Variants in POLR1A observed in about 807,000 individuals in gnomAD.
The protein encoded by POLR1A is DNA-directed RNA polymerase I subunit RPA1.
POLR1A carries 84 observed loss-of-function variants against 205.3 expected under a neutral mutation model. The observed-to-expected ratio is 0.41, with a 90% CI of 0.34 to 0.49. The LOEUF (loss-of-function observed/expected upper bound fraction) is 0.49, where lower values mean the gene tolerates loss of function less well. Among genes scored for constraint, POLR1A ranks in the 20% least tolerant of loss-of-function variants. POLR1A has a pLI of 0.22. For synonymous variants in POLR1A, 799 were observed against 863.7 expected, an observed-to-expected ratio of 0.93 and a Z score of 1.31; for missense variants, 1,645 against 2,204.5, an observed-to-expected ratio of 0.75 and a Z score of 5.08.
intron 3 of POLR1A, among the ~76,000 whole-genome samples, chr2:86,097,664 C>T (rs1476842842): frequency 1.3e-5 from 2 of 152,100 alleles, no homozygotes; most frequent in Non-Finnish European, 2.9e-5. Context: ...CAAGTTCCTA[C>T]TCATATGTGG....
intron 29 of POLR1A, 108 bp from the exon 30 acceptor site, chr2:86,031,743 T>C (rs1672399300): frequency 2.8e-6 from 4 of 1,408,140 alleles, no homozygotes; most frequent in African/African-American, 2.8e-5. Flanking sequence ...CTGGGCTACC[T>C]AGGCCCCACC....
chr2:86,096,344 C>T (rs542824657), intron 3 of POLR1A, among the ~76,000 whole-genome samples: 1 of 152,140 alleles, frequency 6.6e-6, no homozygotes, highest in East Asian at 1.9e-4. Flanking sequence ...AAAATTACTA[C>T]ACTACCCAAA....
At chr2:86,072,833 C>G (rs1471414884) in intron 12 of POLR1A, among the ~76,000 whole-genome samples, 1 of 152,232 alleles carries the variant, frequency 6.6e-6, no homozygotes, top group Non-Finnish European at 1.5e-5. Context: ...CCTCCCCGGA[C>G]GAGACCTCAG....
At chr2:86,052,219 A>G (rs1573812185) in intron 16 of POLR1A, among the ~76,000 whole-genome samples, 1 of 152,330 alleles carries the variant, frequency 6.6e-6, no homozygotes, top group East Asian at 1.9e-4. Flanking sequence ...TGCTGGGATT[A>G]CAGGTGTGAT....
intron 14 of POLR1A, among the ~76,000 whole-genome samples, chr2:86,061,094 A>G (rs1295178928): frequency 3.3e-5 from 5 of 152,200 alleles, no homozygotes; most frequent in Non-Finnish European, 7.3e-5. Flanking sequence ...TAAAACAGTA[A>G]GATACCACTA....
intron 1 of POLR1A, among the ~76,000 whole-genome samples, chr2:86,105,055 T>C (rs1673898029): frequency 6.6e-6 from 1 of 152,134 alleles, no homozygotes; most frequent in Non-Finnish European, 1.5e-5. Context: ...GCTTGGTGCC[T>C]GGAAAAAACT....
intron 6 of POLR1A, among the ~76,000 whole-genome samples, chr2:86,084,725 G>A (rs192657028): frequency 2.2e-4 from 32 of 148,808 alleles, no homozygotes; most frequent in African/African-American, 5.5e-4. Context: ...GGAGTGCAGC[G>A]GCACGATCTC....
At chr2:86,077,293 G>A (rs1222708226) in intron 11 of POLR1A, among the ~76,000 whole-genome samples, 3 of 152,170 alleles carry the variant, frequency 2.0e-5, no homozygotes, top group African/African-American at 7.2e-5. Flanking sequence ...TCCCGGAGGG[G>A]GTCGGGGGGA....
At chr2:86,084,267 GA>G (rs374993625) in intron 6 of POLR1A, among the ~76,000 whole-genome samples, 1 of 151,796 alleles carries the variant, frequency 6.6e-6, no homozygotes, top group Non-Finnish European at 1.5e-5. Context: ...CTCCGTCTCA[GA>G]AAAAAAGAAA....
rs1469048437 is a variant in POLR1A at position 86,021,293 on chromosome 2, G to A, written c.*6130C>T. 1 of 152,090 alleles carries A rather than the reference G, an allele frequency of 6.6e-6. No homozygotes were observed. The allele number at this position is 152,090 out of a possible 1,614,324, so 9.4% of individuals were successfully genotyped here. ...ATCTGGCAGGGCCTCCAGGCCTTCT[G>A]AGTAAGGAAGACCCCAGCTTGCAAA... On this transcript the variant is annotated 3_prime_UTR_variant, in exon 34 of 34. Coordinates refer to ENST00000263857, the MANE Select transcript of POLR1A (RefSeq NM_015425.6).
intron 1 of POLR1A, among the ~76,000 whole-genome samples, chr2:86,101,919 A>G (rs553673579): frequency 6.6e-6 from 1 of 152,360 alleles, no homozygotes; most frequent in Non-Finnish European, 1.5e-5. Flanking sequence ...TATTTCACTT[A>G]GCACCGTGCC....
At chr2:86,050,026 T>C (rs1672774208) in intron 16 of POLR1A, among the ~76,000 whole-genome samples, 1 of 152,098 alleles carries the variant, frequency 6.6e-6, no homozygotes, top group African/African-American at 2.4e-5. Context: ...CAAGTGATTC[T>C]CCTGCCTCAG....
At chr2:86,068,407 G>A (rs775413351) in intron 13 of POLR1A, among the ~76,000 whole-genome samples, 44 of 139,756 alleles carry the variant, frequency 3.1e-4, no homozygotes, top group Non-Finnish European at 5.1e-4. Flanking sequence ...GGCGGGTGTC[G>A]TCCAAAGCTG....
At chr2:86,064,116 C>T (rs1673046715) in intron 14 of POLR1A, among the ~76,000 whole-genome samples, 1 of 152,180 alleles carries the variant, frequency 6.6e-6, no homozygotes, top group Admixed American at 6.5e-5. Context: ...GGTTTTGCTT[C>T]TGTCACGGGT....
intron 20 of POLR1A, 37 bp downstream of exon 20, chr2:86,045,580 G>A (rs1448701668): frequency 6.8e-6 from 11 of 1,609,544 alleles, no homozygotes; most frequent in Non-Finnish European, 9.4e-6. Flanking sequence ...GCCTAGAAAT[G>A]AGGGAAAAAG....
chr2:86,041,031 G>A (rs993211678), intron 24 of POLR1A, among the ~76,000 whole-genome samples: 1 of 152,178 alleles, frequency 6.6e-6, no homozygotes, highest in Non-Finnish European at 1.5e-5. Flanking sequence ...TTTAGTTAGT[G>A]CAAATGGCTG....
In POLR1A at chr2:86,065,398, C is replaced by A. The variant is rs761864732; in HGVS notation, c.1934G>T (p.Gly645Val). Reference sequence around the variant, plus strand: ...ATAGTGCTCCCGGGTGAAAAAGCAACCCCGAGTAGTCATGCTTGCCCCTGA... The same window carrying A: ...ATAGTGCTCCCGGGTGAAAAAGCAAACCCGAGTAGTCATGCTTGCCCCTGA... ...MVSGASMTTRGCFFTREHYME... is the reference protein window; with the variant it reads ...MVSGASMTTRVCFFTREHYME... The change falls in exon 14 of 34, where the codon GGT (glycine) becomes GTT (valine). Residue 645 changes from glycine (G) to valine (V), a missense_variant. Around this residue, in one of 16 missense-constraint regions of POLR1A, gnomAD observed 339 missense variants for 415.1 expected, o/e 0.82. Transcript: ENST00000263857. 1.9e-6 allele frequency: 3 copies of A among 1,614,052 alleles called. No homozygotes were observed. The highest frequency in any genetic ancestry group is 2.5e-6 in the Non-Finnish European group (3 of 1,180,018).
Position 86,044,184 on chromosome 2 carries a change from C to A in POLR1A, c.3090G>T (p.Gln1030His). 1 of 1,614,196 alleles carries A rather than the reference C, an allele frequency of 6.2e-7. No individual in the cohort carries two copies. The highest frequency in any genetic ancestry group is 1.3e-5 in the African/African-American group (1 of 75,054). ...GEDGLDIPKT[Q>H]FLQPKQFPFL... The stretch of plus-strand genomic sequence containing the variant: ...AGGGGAACTGCTTGGGCTGCAGGAA[C>A]TGTGTCTTGGGGATGTCCAGGCCAT... Residue 1030 changes from glutamine (Q) to histidine (H), a missense_variant, in exon 22 of 34, where the codon CAG (glutamine) becomes CAT (histidine). Physicochemically the swap from Gln to His is conservative, Grantham distance 24 (BLOSUM62 0). Around this residue, in one of 16 missense-constraint regions of POLR1A, gnomAD observed 201 missense variants for 222.3 expected, o/e 0.90. Transcript: ENST00000263857.
rs367793944 is a variant in POLR1A at position 86,065,271 on chromosome 2, T to C, written c.2058+3A>G. 1.8e-5 allele frequency: 29 copies of C among 1,611,978 alleles called. No individual in the cohort carries two copies. The highest frequency in any genetic ancestry group is 1.1e-4 in the East Asian group (5 of 44,864). ...CATACACTGGCTGTTCTCTCCCAAT[T>C]ACCTGTTTTCCTGTCCACAGCGGAA... On this transcript the variant is annotated splice_donor_region_variant and intron_variant, in intron 14 of 33. Transcript: ENST00000263857.
Sources: allele counts gnomAD v4.1 joint callset (sites outside exome capture counted in the v4.1 genomes callset), GRCh38; gene constraint gnomAD v4.1.1; regional missense constraint gnomAD v4.1.1; transcripts MANE v1.5; gene names NCBI Gene and HGNC (gene_info 2026-07-23, HGNC 2026-07-21).